Variants in FOXK1 observed in about 807,000 individuals in gnomAD.
The protein encoded by FOXK1 is forkhead box K1, also known as forkhead box protein K1.
FOXK1 carries 19 observed loss-of-function variants against 51.9 expected under a neutral mutation model. The observed-to-expected ratio is 0.37, with a 90% confidence interval of 0.26 to 0.54. The LOEUF is 0.54. Among genes scored for constraint, FOXK1 ranks in the 20% least tolerant of loss-of-function variants. The probability of loss-of-function intolerance (pLI) is 0.87; values close to 1 mark genes in which losing one functional copy is unlikely to be tolerated. For synonymous variants in FOXK1, 537 were observed against 482.6 expected, an observed-to-expected ratio of 1.11 and a Z score of -1.48; for missense variants, 870 against 1,032.7, an observed-to-expected ratio of 0.84 and a Z score of 2.16.
At chr7:4,694,574 A>G (rs945406856) in intron 1 of FOXK1, among the ~76,000 whole-genome samples, 3 of 152,164 alleles carry the variant, frequency 2.0e-5, no homozygotes, top group African/African-American at 7.2e-5. Context: ...ACAGACCCCA[A>G]CAGTGCCCTC....
At position 4,758,951 on chromosome 7, in the gene FOXK1, G is replaced by T; in HGVS notation, c.1245-100G>T. The T allele has an allele frequency of 7.8e-7, 1 of 1,289,564 alleles. No individual in the cohort carries two copies. The highest frequency in any genetic ancestry group is 1.1e-6 in the Non-Finnish European group (1 of 945,336). The allele number at this position is 1,289,564 out of a possible 1,614,324, so 79.9% of individuals were successfully genotyped here. On this transcript the variant is annotated intron_variant, in intron 5 of 8. Transcript: ENST00000328914. The surrounding 1 kb of genome is among the most constrained non-coding windows in gnomAD (Gnocchi z 4.4). ...GGAGGACAGAGACGAGCTCCAGGGA[G>T]CGTGGGCGGGTGACGGCGCTGAGAT...
chr7:4,689,346 C>T (rs1294502812), intron 1 of FOXK1, among the ~76,000 whole-genome samples: 1 of 152,328 alleles, frequency 6.6e-6, no homozygotes, highest in Admixed American at 6.5e-5. Flanking sequence ...CATGCTCCAT[C>T]TGCTGAGAGG....
chr7:4,717,482 CATGT>C, intron 1 of FOXK1, among the ~76,000 whole-genome samples: 1 of 113,372 alleles, frequency 8.8e-6, no homozygotes, highest in Admixed American at 8.2e-5. Context: ...GGCTGGGAGG[CATGT>C]GGCTGGGAGG....
At chr7:4,690,052 G>A (rs557719410) in intron 1 of FOXK1, among the ~76,000 whole-genome samples, 402 of 152,366 alleles carry the variant, frequency 2.6e-3, no homozygotes, top group African/African-American at 9.5e-3. Context: ...TGCCAAAGGC[G>A]AAGGGAAGAG....
chr7:4,726,439 A>C (rs1479613536), intron 1 of FOXK1, among the ~76,000 whole-genome samples: 2 of 152,106 alleles, frequency 1.3e-5, no homozygotes, highest in East Asian at 1.9e-4. Flanking sequence ...GACCAACATG[A>C]TGAAACCCTG....
rs1251429551 is a variant in FOXK1 at position 4,770,894 on chromosome 7, TGTGTGTGTA to T, written c.*8431_*8439del. ...GTGTGTGTGTGTGTGTGTGTGTGTG[TGTGTGTGTA>T]TTTTTTTTTTTACAGTGGCGCCTGT... On this transcript the variant is annotated 3_prime_UTR_variant, in exon 9 of 9. Transcript: ENST00000328914. 1 of 151,404 alleles carries T rather than the reference TGTGTGTGTA, an allele frequency of 6.6e-6. No individual in the cohort carries two copies. Among genetic ancestry groups the T allele is most frequent in the African/African-American group, 2.5e-5 (1 of 40,798 alleles). 9.4% of individuals were successfully genotyped at this position (151,404 alleles called of 1,614,324 possible). A position where few individuals can be genotyped will look rare whatever the true frequency, so the allele number is the denominator to read the frequency against.
In FOXK1 at chr7:4,741,659, C is replaced by T. The variant is rs1486878108; in HGVS notation, c.746+636C>T. On this transcript the variant is annotated intron_variant, in intron 2 of 8. Transcript: ENST00000328914. ...AATGTTTTAAAGTAATATTTGTCCA[C>T]CAGGATTTGGTGAACTTTGTTTCTT... Among the ~76,000 whole-genome samples the T allele has an allele frequency of 3.9e-5, 6 of 152,224 alleles. No individual in the cohort carries two copies. The East Asian group carries it at 9.6e-4, about 24-fold the overall frequency.
At position 4,743,271 on chromosome 7, in the gene FOXK1, G is replaced by A. The variant is rs1780658603; in HGVS notation, c.746+2248G>A. On this transcript the variant is annotated intron_variant, in intron 2 of 8. Coordinates refer to ENST00000328914, the MANE Select transcript of FOXK1 (RefSeq NM_001037165.2). This position sits in a 1 kb window ranked among gnomAD's most constrained non-coding sequence, Gnocchi z 5.3. ...TAAAAGTCACTTTAAAGAGTGAACTGGCCGGGCGCGGTGGCTCACACTGGT... is the reference window on the plus strand; with the variant it reads ...TAAAAGTCACTTTAAAGAGTGAACTAGCCGGGCGCGGTGGCTCACACTGGT... 6.6e-6 allele frequency among the ~76,000 whole-genome samples: 1 copy of A among 152,254 alleles called. No homozygotes were observed. Among genetic ancestry groups the A allele is most frequent in the Non-Finnish European group, 1.5e-5 (1 of 68,044 alleles).
Position 4,761,336 on chromosome 7 carries a change from T to C in FOXK1, c.1921+48T>C. ...CATGCCACATCCCAAGCTCTGTGGC[T>C]CCCAGTAGTCAGTGCGGCATGAGAA... On this transcript the variant is annotated intron_variant, in intron 8 of 8. Coordinates refer to ENST00000328914, the MANE Select transcript of FOXK1 (RefSeq NM_001037165.2). This position sits in a 1 kb window ranked among gnomAD's most constrained non-coding sequence, Gnocchi z 6.2. The C allele has an allele frequency of 6.5e-7, 1 of 1,548,300 alleles. No homozygotes were observed. Among genetic ancestry groups the C allele is most frequent in the Non-Finnish European group, 8.8e-7 (1 of 1,135,900 alleles).
chr7:4,714,135 C>A (rs1780207163), intron 1 of FOXK1, among the ~76,000 whole-genome samples: 2 of 152,266 alleles, frequency 1.3e-5, no homozygotes, highest in Admixed American at 1.3e-4. Context: ...CTCTTGATTT[C>A]TTACCCATCT....
intron 2 of FOXK1, among the ~76,000 whole-genome samples, chr7:4,741,397 C>T (rs1193230292): frequency 1.3e-5 from 2 of 152,006 alleles, no homozygotes; most frequent in East Asian, 1.9e-4. Context: ...GGCGCGATCT[C>T]GGCTCACTGC....
Position 4,762,038 on chromosome 7 carries a change from G to A in FOXK1, c.1922-146G>A. On this transcript the variant is annotated intron_variant, in intron 8 of 8. Coordinates refer to ENST00000328914, the MANE Select transcript of FOXK1 (RefSeq NM_001037165.2). This position sits in a 1 kb window ranked among gnomAD's most constrained non-coding sequence, Gnocchi z 5.7. Reference sequence around the variant, plus strand: ...GAGGGGACGGCAGGGCCCGCAGGGAGCAGAGCAAGGGTAGCCGTCCTGCCT... The same window carrying A: ...GAGGGGACGGCAGGGCCCGCAGGGAACAGAGCAAGGGTAGCCGTCCTGCCT... 2 of 919,420 alleles carry A rather than the reference G, an allele frequency of 2.2e-6. No homozygotes were observed. Among genetic ancestry groups the A allele is most frequent in the South Asian group, 3.4e-5 (2 of 58,268 alleles). 57.0% of individuals were successfully genotyped at this position (919,420 alleles called of 1,614,324 possible).
In FOXK1 at chr7:4,703,148, A is replaced by G. The variant is rs1389154748; in HGVS notation, c.560+20280A>G. 1.2e-4 allele frequency among the ~76,000 whole-genome samples: 19 copies of G among 152,034 alleles called. No individual in the cohort carries two copies. Among genetic ancestry groups the G allele is most frequent in the Non-Finnish European group, 8.8e-5 (6 of 68,006 alleles). ...CTGGACTGGGAAGACTGGCTCTCTC[A>G]GGGGATTCCAGGGCAGGCGGCTGGG... On this transcript the variant is annotated intron_variant, in intron 1 of 8. Coordinates refer to ENST00000328914, the MANE Select transcript of FOXK1 (RefSeq NM_001037165.2). The surrounding 1 kb of genome is among the most constrained non-coding windows in gnomAD (Gnocchi z 5.6).
chr7:4,690,052 G>C (rs557719410), intron 1 of FOXK1, among the ~76,000 whole-genome samples: 1 of 152,248 alleles, frequency 6.6e-6, no homozygotes, highest in African/African-American at 2.4e-5. Flanking sequence ...TGCCAAAGGC[G>C]AAGGGAAGAG....
intron 1 of FOXK1, among the ~76,000 whole-genome samples, chr7:4,694,038 C>T (rs1779923605): frequency 6.6e-6 from 1 of 151,740 alleles, no homozygotes; most frequent in Non-Finnish European, 1.5e-5. Flanking sequence ...TACTTCCATG[C>T]CTGGCTAATT....
intron 1 of FOXK1, among the ~76,000 whole-genome samples, chr7:4,705,776 A>ACC (rs147171236): frequency 0.027 from 3,332 of 125,140 alleles, 164 homozygotes; most frequent in African/African-American, 0.089. Flanking sequence ...CAACCTCGTG[A>ACC]CCCCCCCCCG....
Position 4,735,191 on chromosome 7 carries a change from G to T in FOXK1, c.561-5647G>T, listed in dbSNP as rs1780536943. Among the ~76,000 whole-genome samples, 1 of 152,048 alleles carries T rather than the reference G, an allele frequency of 6.6e-6. No homozygotes were observed. Among genetic ancestry groups the T allele is most frequent in the African/African-American group, 2.4e-5 (1 of 41,376 alleles). The stretch of plus-strand genomic sequence containing the variant: ...GCTCGCTGTGTAGAGACGGCTCTGT[G>T]GTCTGAGGCTGAGCCAGGCAGTGTC... On this transcript the variant is annotated intron_variant, in intron 1 of 8. Transcript: ENST00000328914. This position sits in a 1 kb window ranked among gnomAD's most constrained non-coding sequence, Gnocchi z 4.7.
rs1193221309 is a variant in FOXK1, at chr7:4,731,760, A to G, written c.561-9078A>G. ...GGCAACAAAGCGAAACTCTGCCTCA[A>G]AAAAAAAAAAAAAAAAAGAAAACAG... On this transcript the variant is annotated intron_variant, in intron 1 of 8. Transcript: ENST00000328914. This position sits in a 1 kb window ranked among gnomAD's most constrained non-coding sequence, Gnocchi z 5.3. Among the ~76,000 whole-genome samples the G allele has an allele frequency of 2.0e-4, 26 of 128,910 alleles. No individual in the cohort carries two copies. In the East Asian group the frequency reaches 4.7e-3, roughly 23 times the overall value. The allele number at this position is 128,910 out of a possible 152,430, so 84.6% of individuals were successfully genotyped here. A position where few individuals can be genotyped will look rare whatever the true frequency, so the allele number is the denominator to read the frequency against.
Position 4,723,223 on chromosome 7 carries a change from G to T in FOXK1, c.561-17615G>T, listed in dbSNP as rs568314225. On this transcript the variant is annotated intron_variant, in intron 1 of 8. Coordinates refer to ENST00000328914, the MANE Select transcript of FOXK1 (RefSeq NM_001037165.2). This position sits in a 1 kb window ranked among gnomAD's most constrained non-coding sequence, Gnocchi z 4.7. ...GGTGGACACCCATGGCGGCTTGCAC[G>T]TTGCACGTCCCCCGGCTCAGCACCG... 3.3e-5 allele frequency among the ~76,000 whole-genome samples: 5 copies of T among 152,074 alleles called. No homozygotes were observed. Among genetic ancestry groups the T allele is most frequent in the African/African-American group, 1.2e-4 (5 of 41,494 alleles).
Sources: gnomAD v4.1 joint callset for allele counts (sites outside exome capture counted in the v4.1 genomes callset) on GRCh38, gnomAD v4.1.1 for gene constraint, Gnocchi (gnomAD v3.1) non-coding constraint, MANE v1.5 for transcripts, NCBI Gene and HGNC (gene_info 2026-07-23, HGNC 2026-07-21) for gene names.